The following ANKRD33B variants were observed in gnomAD, a reference collection of about 807,000 sequenced individuals.
ANKRD33B encodes the protein ankyrin repeat domain 33B.
In ANKRD33B, 6 loss-of-function variants were observed where a neutral mutation model predicts 21.5. The observed-to-expected ratio is 0.28, with a 90% confidence interval of 0.15 to 0.55. The LOEUF (loss-of-function observed/expected upper bound fraction) is 0.55, where lower values mean the gene tolerates loss of function less well. Among genes scored for constraint, ANKRD33B ranks in the 20% least tolerant of loss-of-function variants. ANKRD33B has a pLI of 0.94. For synonymous variants in ANKRD33B, 347 were observed against 342.4 expected (o/e 1.01, Z -0.15); for missense variants, 698 against 747.2 (o/e 0.93, Z 0.77).
At chr5:10,570,300 A>G (rs1735151492) in intron 1 of ANKRD33B, among the ~76,000 whole-genome samples, 1 of 152,204 alleles carries the variant, frequency 6.6e-6, no homozygotes, top group South Asian at 2.1e-4. Flanking sequence ...GGCCTATCTC[A>G]GCTGATGTAG....
At chr5:10,639,010 G>A (rs1452703550) in intron 3 of ANKRD33B, among the ~76,000 whole-genome samples, 1 of 86,772 alleles carries the variant, frequency 1.2e-5, no homozygotes, top group Non-Finnish European at 2.5e-5. Context: ...GATGTTAGGC[G>A]GTGACGCGGA....
Position 10,649,904 on chromosome 5 carries a change from G to A in ANKRD33B, c.1276G>A (p.Val426Ile). Reference sequence around the variant, plus strand: ...GCGGCCCGGTGTGGTGGTGCCCCGGGTCCGAGTCAGCAAGGCGCCCGCGCC... The same window carrying A: ...GCGGCCCGGTGTGGTGGTGCCCCGGATCCGAGTCAGCAAGGCGCCCGCGCC... ...SVRPGVVVPR[V>I]RVSKAPAPTF... is the part of the protein sequence containing the mutation. Residue 426 changes from valine (V) to isoleucine (I), a missense_variant, in exon 4 of 4, where the codon GTC (valine) becomes ATC (isoleucine). Physicochemically the swap from Val to Ile is conservative, Grantham distance 29 (BLOSUM62 3). This residue lies in a region of ANKRD33B where 543 missense variants were observed against 566.5 expected (regional missense o/e 0.96). Transcript: ENST00000296657. The A allele has an allele frequency of 1.3e-6, 2 of 1,517,676 alleles. No individual in the cohort carries two copies. Among genetic ancestry groups the A allele is most frequent in the Non-Finnish European group, 1.8e-6 (2 of 1,138,564 alleles). The allele number at this position is 1,517,676 out of a possible 1,614,324, so 94.0% of individuals were successfully genotyped here. A position where few individuals can be genotyped will look rare whatever the true frequency, so the allele number is the denominator to read the frequency against.
At chr5:10,565,762 C>T (rs1735034660) in intron 1 of ANKRD33B, among the ~76,000 whole-genome samples, 1 of 152,262 alleles carries the variant, frequency 6.6e-6, no homozygotes, top group South Asian at 2.1e-4. Context: ...TGGCCAAGTT[C>T]CCCGTAGTCT....
At chr5:10,628,867 G>T (rs552476496) in intron 2 of ANKRD33B, among the ~76,000 whole-genome samples, 1 of 152,152 alleles carries the variant, frequency 6.6e-6, no homozygotes, top group Non-Finnish European at 1.5e-5. Flanking sequence ...ACCTGGAGTT[G>T]GAAGGGATGG....
intron 3 of ANKRD33B, among the ~76,000 whole-genome samples, chr5:10,647,758 C>T (rs184200458): frequency 9.5e-4 from 144 of 152,266 alleles, no homozygotes; most frequent in African/African-American, 3.2e-3. Context: ...AAGTAGATGC[C>T]GCAGTCTTGA....
chr5:10,622,531 C>T (rs1302414578), intron 2 of ANKRD33B, among the ~76,000 whole-genome samples: 1 of 152,146 alleles, frequency 6.6e-6, no homozygotes, highest in East Asian at 1.9e-4. Context: ...AAATTGCTTC[C>T]CTTTCCACAA....
At chr5:10,606,825 T>A (rs1451841691) in intron 1 of ANKRD33B, among the ~76,000 whole-genome samples, 1 of 150,986 alleles carries the variant, frequency 6.6e-6, no homozygotes, top group Non-Finnish European at 1.5e-5. Context: ...GCCTCCCAGG[T>A]TCATGCCATT....
At chr5:10,644,255 G>A (rs1737140414) in intron 3 of ANKRD33B, among the ~76,000 whole-genome samples, 1 of 152,212 alleles carries the variant, frequency 6.6e-6, no homozygotes, top group Non-Finnish European at 1.5e-5. Context: ...TGCATCTTTG[G>A]TTTGGCTTCG....
intron 1 of ANKRD33B, among the ~76,000 whole-genome samples, chr5:10,594,259 T>G (rs1735771531): frequency 6.7e-6 from 1 of 149,588 alleles, no homozygotes; most frequent in Admixed American, 6.7e-5. Context: ...CAGGGTTTCT[T>G]GCTCTTGTTG....
chr5:10,649,942 C>G lies in ANKRD33B; in HGVS notation c.1314C>G (p.Pro438=), dbSNP rs996332100. ...VSKAPAPTFQ[P]ERPARKGSTK... ...AGGCGCCCGCGCCCACCTTCCAGCC[C>G]GAGCGGCCGGCGCGGAAGGGCAGCA... is the stretch of plus-strand genomic sequence containing the variant. Residue 438 remains proline (P), a synonymous_variant, in exon 4 of 4, where the codon CCC becomes CCG. Coordinates refer to ENST00000296657, the MANE Select transcript of ANKRD33B (RefSeq NM_001164440.2). 2.0e-5 allele frequency: 30 copies of G among 1,528,838 alleles called. No individual in the cohort carries two copies. In the Admixed American group the frequency reaches 3.6e-4, roughly 18 times the overall value. The allele number at this position is 1,528,838 out of a possible 1,614,324, so 94.7% of individuals were successfully genotyped here.
At chr5:10,600,337 C>T (rs1483587889) in intron 1 of ANKRD33B, among the ~76,000 whole-genome samples, 2 of 152,210 alleles carry the variant, frequency 1.3e-5, no homozygotes, top group African/African-American at 2.4e-5. Flanking sequence ...TTTCTAATAA[C>T]CCCCTTCACA....
chr5:10,586,450 A>G (rs1735561177), intron 1 of ANKRD33B, among the ~76,000 whole-genome samples: 1 of 151,176 alleles, frequency 6.6e-6, no homozygotes, highest in Non-Finnish European at 1.5e-5. Context: ...GACCTGATAC[A>G]CTGTGAGAAT....
rs990604616 is a variant in ANKRD33B, at chr5:10,622,805, T to G, written c.496+4343T>G. 1.1e-3 allele frequency among the ~76,000 whole-genome samples: 125 copies of G among 118,170 alleles called. 2 individuals carry two copies. Among genetic ancestry groups the G allele is most frequent in the Non-Finnish European group, 1.6e-3 (82 of 50,188 alleles). 77.5% of individuals were successfully genotyped at this position (118,170 alleles called of 152,430 possible). ...GTTTTTTGTTTTTGCTTTATTTTAT[T>G]TTATTTTTTTTTTTTTCTGGCTTGC... On this transcript the variant is annotated intron_variant, in intron 2 of 3. Coordinates refer to ENST00000296657, the MANE Select transcript of ANKRD33B (RefSeq NM_001164440.2).
intron 2 of ANKRD33B, among the ~76,000 whole-genome samples, chr5:10,633,648 T>C (rs1028598702): frequency 6.6e-6 from 1 of 152,254 alleles, no homozygotes; most frequent in African/African-American, 2.4e-5. Context: ...CAGGATCGCA[T>C]GTGGCATTTA....
rs146296089 is a variant in ANKRD33B at position 10,616,711 on chromosome 5, T to TG, written c.367-1619dup. On this transcript the variant is annotated intron_variant, in intron 1 of 3. Coordinates refer to ENST00000296657, the MANE Select transcript of ANKRD33B (RefSeq NM_001164440.2). ...ATTGCCTGGTCATTAGCTCCTGCCC[T>TG]GGGTTGAATTTTAGCATCTCACCGT... Among the ~76,000 whole-genome samples, 935 of 152,292 alleles carry TG rather than the reference T, an allele frequency of 6.1e-3. 4 individuals carry two copies. Among genetic ancestry groups the TG allele is most frequent in the Middle Eastern group, 0.014 (4 of 294 alleles).
intron 2 of ANKRD33B, among the ~76,000 whole-genome samples, chr5:10,630,949 C>T (rs562175884): frequency 5.1e-4 from 78 of 152,262 alleles, no homozygotes; most frequent in Non-Finnish European, 8.1e-4. Context: ...CTGCCTGTCT[C>T]CTCGATTCTT....
intron 1 of ANKRD33B, among the ~76,000 whole-genome samples, chr5:10,567,429 C>A (rs1395092420): frequency 1.3e-5 from 2 of 152,240 alleles, no homozygotes; most frequent in African/African-American, 4.8e-5. Context: ...GAGTCCTAGC[C>A]TTTTAGTGAG....
intron 1 of ANKRD33B, among the ~76,000 whole-genome samples, chr5:10,617,912 C>A (rs1284769999): frequency 6.6e-6 from 1 of 152,184 alleles, no homozygotes; most frequent in Non-Finnish European, 1.5e-5. Flanking sequence ...ACACACGGAC[C>A]CCAACATCAC....
intron 3 of ANKRD33B, among the ~76,000 whole-genome samples, chr5:10,648,074 C>T (rs1163634613): frequency 6.6e-6 from 1 of 152,212 alleles, no homozygotes; most frequent in Non-Finnish European, 1.5e-5. Context: ...GACCCTCTCT[C>T]TGTTACTAGC....
Sources: allele counts gnomAD v4.1 joint callset (sites outside exome capture counted in the v4.1 genomes callset), GRCh38; gene constraint gnomAD v4.1.1; regional missense constraint gnomAD v4.1.1; transcripts MANE v1.5; gene names NCBI Gene and HGNC (gene_info 2026-07-23, HGNC 2026-07-21).